EPHB1: variants seen among roughly 807,000 people sequenced by gnomAD.
EPHB1 encodes ephrin type-B receptor 1.
A neutral mutation model predicts 94.4 loss-of-function variants in EPHB1; 30 were observed. That is an observed-to-expected ratio of 0.32 (90% confidence interval 0.24 to 0.43). The LOEUF (loss-of-function observed/expected upper bound fraction) is 0.43, where lower values mean the gene tolerates loss of function less well. EPHB1 is among the 20% of genes least tolerant of loss of function. EPHB1 has a pLI of 1.00. For synonymous variants in EPHB1, 522 were observed against 489.1 expected, an observed-to-expected ratio of 1.07 and a Z score of -0.89; for missense variants, 1,055 against 1,308.3, an observed-to-expected ratio of 0.81 and a Z score of 2.99.
chr3:134,850,134 CTTCT>C (rs1288982929), intron 1 of EPHB1, among the ~76,000 whole-genome samples: 13 of 152,210 alleles, frequency 8.5e-5, no homozygotes, highest in African/African-American at 3.1e-4. Context: ...TTTGGAGCGG[CTTCT>C]TTCTTCTACC....
chr3:134,827,707 G>A lies in EPHB1; in HGVS notation c.58+32018G>A, dbSNP rs553600656. Among the ~76,000 whole-genome samples the A allele has an allele frequency of 1.4e-3, 206 of 152,320 alleles. 1 individual carries two copies. The highest frequency in any genetic ancestry group is 4.8e-3 in the African/African-American group (201 of 41,578). ...TAGAATTCACTGTTTGGCCTAGATTGCTCCTTTCCCTGGGGAGCTGGGGTG... is the reference window on the plus strand; with the variant it reads ...TAGAATTCACTGTTTGGCCTAGATTACTCCTTTCCCTGGGGAGCTGGGGTG... On this transcript the variant is annotated intron_variant, in intron 1 of 15. Transcript: ENST00000398015.
At chr3:135,060,213 TGA>T (rs1937458229) in intron 3 of EPHB1, among the ~76,000 whole-genome samples, 1 of 152,220 alleles carries the variant, frequency 6.6e-6, no homozygotes, top group African/African-American at 2.4e-5. Context: ...TGGTGACCAT[TGA>T]TCCACTTTCT....
At chr3:135,109,714 C>T (rs1357728502) in intron 4 of EPHB1, among the ~76,000 whole-genome samples, 1 of 152,208 alleles carries the variant, frequency 6.6e-6, no homozygotes, top group Non-Finnish European at 1.5e-5. Flanking sequence ...ACTGCCCTAC[C>T]CTGCGACCTG....
At chr3:135,109,718 C>T (rs1390267962) in intron 4 of EPHB1, among the ~76,000 whole-genome samples, 5 of 152,212 alleles carry the variant, frequency 3.3e-5, no homozygotes, top group African/African-American at 4.8e-5. Context: ...CCCTACCCTG[C>T]GACCTGGTGT....
intron 1 of EPHB1, among the ~76,000 whole-genome samples, chr3:134,837,772 G>T (rs2108295563): frequency 6.6e-6 from 1 of 152,278 alleles, no homozygotes; most frequent in South Asian, 2.1e-4. Context: ...CTAGGTGTTT[G>T]GGGGCTATTT....
intron 1 of EPHB1, among the ~76,000 whole-genome samples, chr3:134,843,152 G>A (rs983770519): frequency 3.3e-5 from 5 of 152,124 alleles, no homozygotes; most frequent in African/African-American, 1.2e-4. Context: ...TTATAGGATA[G>A]TTTCACTGTG....
chr3:135,190,258 T>C (rs890344700), intron 10 of EPHB1, among the ~76,000 whole-genome samples: 1 of 152,234 alleles, frequency 6.6e-6, no homozygotes, highest in African/African-American at 2.4e-5. Flanking sequence ...TCCTGGCACA[T>C]AGTAGGTGGT....
At chr3:134,942,974 T>C (rs1667474130) in intron 2 of EPHB1, among the ~76,000 whole-genome samples, 3 of 152,174 alleles carry the variant, frequency 2.0e-5, no homozygotes, top group African/African-American at 7.2e-5. Context: ...TGGAATAAAC[T>C]CAATCATGCT....
chr3:135,215,370 T>A (rs1465484007), intron 12 of EPHB1, among the ~76,000 whole-genome samples: 3 of 151,826 alleles, frequency 2.0e-5, no homozygotes, highest in Non-Finnish European at 4.4e-5. Context: ...TCCATGTTGG[T>A]CAGGCTGGTC....
intron 3 of EPHB1, among the ~76,000 whole-genome samples, chr3:134,980,797 A>C (rs1417755818): frequency 6.6e-6 from 1 of 152,184 alleles, no homozygotes; most frequent in African/African-American, 2.4e-5. Context: ...CTAGGGGCTT[A>C]AGTATTATAT....
At chr3:134,995,618 G>A (rs1022927281) in intron 3 of EPHB1, among the ~76,000 whole-genome samples, 9 of 152,068 alleles carry the variant, frequency 5.9e-5, no homozygotes, top group African/African-American at 2.2e-4. Flanking sequence ...ACAGCAAACA[G>A]AATGGCTAAA....
At chr3:135,056,487 TTTACCC>T (rs1345309894) in intron 3 of EPHB1, among the ~76,000 whole-genome samples, 1 of 152,190 alleles carries the variant, frequency 6.6e-6, no homozygotes, top group Non-Finnish European at 1.5e-5. Context: ...TGCTCTCTGT[TTTACCC>T]TTGAAGCAAC....
chr3:135,058,525 T>C (rs1364054729), intron 3 of EPHB1, among the ~76,000 whole-genome samples: 1 of 152,174 alleles, frequency 6.6e-6, no homozygotes, highest in Non-Finnish European at 1.5e-5. Context: ...TGTCACTGGG[T>C]CTCTGTCCAC....
chr3:135,195,027 A>T (rs1055470290), intron 11 of EPHB1, among the ~76,000 whole-genome samples: 2 of 152,224 alleles, frequency 1.3e-5, no homozygotes, highest in Non-Finnish European at 2.9e-5. Context: ...CAGAGATCTC[A>T]TGAAGACAGT....
intron 1 of EPHB1, among the ~76,000 whole-genome samples, chr3:134,801,961 T>G (rs564067677): frequency 8.1e-4 from 124 of 152,326 alleles, no homozygotes; most frequent in African/African-American, 2.8e-3. Flanking sequence ...TCTTTGTTGA[T>G]GGAAAACCAC....
At chr3:134,958,989 G>T (rs1293418098) in intron 3 of EPHB1, among the ~76,000 whole-genome samples, 1 of 152,172 alleles carries the variant, frequency 6.6e-6, no homozygotes, top group African/African-American at 2.4e-5. Flanking sequence ...GAGTCTTCCA[G>T]GCCAATGTTA....
chr3:135,120,929 C>T (rs1215731594), intron 4 of EPHB1, among the ~76,000 whole-genome samples: 2 of 152,132 alleles, frequency 1.3e-5, no homozygotes, highest in African/African-American at 2.4e-5. Flanking sequence ...GACTCCTCCC[C>T]GGGCATCCCC....
intron 1 of EPHB1, among the ~76,000 whole-genome samples, chr3:134,915,930 C>T (rs752114481): frequency 5.9e-5 from 9 of 152,174 alleles, no homozygotes; most frequent in Non-Finnish European, 5.9e-5. Context: ...CCACTGCTGG[C>T]TGGGGCAGCC....
chr3:134,862,577 T>C (rs1343861563), intron 1 of EPHB1, among the ~76,000 whole-genome samples: 1 of 151,796 alleles, frequency 6.6e-6, no homozygotes, highest in African/African-American at 2.4e-5. Context: ...TTAAAATATA[T>C]TGTCAATTAC....
Sources: gnomAD v4.1 joint callset for allele counts (sites outside exome capture counted in the v4.1 genomes callset) on GRCh38, gnomAD v4.1.1 for gene constraint, MANE v1.5 for transcripts, NCBI Gene and HGNC (gene_info 2026-07-23, HGNC 2026-07-21) for gene names.